The following ADGRL3 variants were observed in gnomAD, a reference collection of about 807,000 sequenced individuals.
ADGRL3 encodes the protein calcium-independent alpha-latrotoxin receptor 3.
A neutral mutation model predicts 153.5 loss-of-function variants in ADGRL3; 62 were observed. That is an observed-to-expected ratio of 0.40 (90% confidence interval 0.33 to 0.50). ADGRL3 has a LOEUF of 0.50. Ranked by LOEUF, ADGRL3 falls within the 20% of genes least tolerant of loss-of-function variation. The pLI is 0.47. For missense variants in ADGRL3, 1,641 were observed against 1,859.4 expected, an observed-to-expected ratio of 0.88 and a Z score of 2.16; for synonymous variants, 710 against 672.5, an observed-to-expected ratio of 1.06 and a Z score of -0.86.
intron 9 of ADGRL3, among the ~76,000 whole-genome samples, chr4:61,858,347 G>A (rs1217985701): frequency 6.6e-6 from 1 of 152,126 alleles, no homozygotes; most frequent in Non-Finnish European, 1.5e-5. Flanking sequence ...TATTGGCCAG[G>A]CATGGTGGCT....
In ADGRL3 at chr4:61,594,346, A is replaced by C. The variant is rs180895207; in HGVS notation, c.473+6906A>C. 4.1e-3 allele frequency among the ~76,000 whole-genome samples: 625 copies of C among 152,142 alleles called. 3 individuals are homozygous for C. The highest frequency in any genetic ancestry group is 5.7e-3 in the Non-Finnish European group (389 of 68,006). On this transcript the variant is annotated intron_variant, in intron 5 of 26. Coordinates refer to ENST00000683033, the MANE Select transcript of ADGRL3 (RefSeq NM_001387552.1). ...ATTTGATGAGGTCCTGTTTTCCTGG[A>C]TGTTGTTGATACTTATAGGTGTTCT...
intron 21 of ADGRL3, among the ~76,000 whole-genome samples, chr4:62,024,947 A>AG (rs1228203338): frequency 6.6e-6 from 1 of 151,738 alleles, no homozygotes; most frequent in African/African-American, 2.4e-5. Flanking sequence ...AAAAAAAAAA[A>AG]AATTCTGAAT....
chr4:61,686,766 T>A (rs571256448), intron 6 of ADGRL3, among the ~76,000 whole-genome samples: 1 of 152,186 alleles, frequency 6.6e-6, no homozygotes, highest in African/African-American at 2.4e-5. Context: ...TAATTGTAAC[T>A]TTTTACTTGT....
intron 2 of ADGRL3, among the ~76,000 whole-genome samples, chr4:61,490,076 C>G (rs1462267028): frequency 1.3e-5 from 2 of 152,106 alleles, no homozygotes; most frequent in African/African-American, 2.4e-5. Context: ...ACTTGCAGTT[C>G]TGCAACACGC....
intron 2 of ADGRL3, among the ~76,000 whole-genome samples, chr4:61,442,126 A>C (rs2152472923): frequency 6.6e-6 from 1 of 152,354 alleles, no homozygotes; most frequent in South Asian, 2.1e-4. Flanking sequence ...GCTATTCATA[A>C]AAAAATCATT....
At chr4:61,804,916 T>C (rs2097536622) in intron 8 of ADGRL3, among the ~76,000 whole-genome samples, 2 of 150,966 alleles carry the variant, frequency 1.3e-5, no homozygotes, top group African/African-American at 4.9e-5. Flanking sequence ...CTTTGTTTCC[T>C]GTGCCTTTAT....
At chr4:61,226,503 C>A (rs1167488521) in intron 1 of ADGRL3, among the ~76,000 whole-genome samples, 3 of 152,070 alleles carry the variant, frequency 2.0e-5, no homozygotes, top group African/African-American at 7.2e-5. Context: ...CTGGTAATAG[C>A]AGAACTCAGA....
chr4:61,563,196 A>G (rs2098802720), intron 4 of ADGRL3, among the ~76,000 whole-genome samples: 1 of 152,184 alleles, frequency 6.6e-6, no homozygotes, highest in Admixed American at 6.5e-5. Context: ...AATGTCCTTG[A>G]ACATCTCCAT....
At chr4:61,957,637 T>C (rs1186635411) in intron 17 of ADGRL3, among the ~76,000 whole-genome samples, 1 of 151,510 alleles carries the variant, frequency 6.6e-6, no homozygotes, top group Non-Finnish European at 1.5e-5. Flanking sequence ...ATTTATATAG[T>C]AGTTTACAAT....
intron 1 of ADGRL3, among the ~76,000 whole-genome samples, chr4:61,238,109 G>A (rs1420757792): frequency 6.6e-6 from 1 of 152,120 alleles, no homozygotes; most frequent in Non-Finnish European, 1.5e-5. Context: ...CTTTTAATTA[G>A]CAGATGCTGA....
intron 17 of ADGRL3, among the ~76,000 whole-genome samples, chr4:61,974,951 C>A (rs1321384891): frequency 6.6e-6 from 1 of 152,080 alleles, no homozygotes; most frequent in Non-Finnish European, 1.5e-5. Context: ...TAGTTTGAAT[C>A]AAAATCCATT....
At chr4:61,346,984 A>C (rs2095928049) in intron 1 of ADGRL3, among the ~76,000 whole-genome samples, 1 of 152,070 alleles carries the variant, frequency 6.6e-6, no homozygotes, top group South Asian at 2.1e-4. Context: ...GGAAGAGAGT[A>C]CTAGAGGGGG....
At chr4:61,537,382 C>G (rs533374480) in intron 4 of ADGRL3, among the ~76,000 whole-genome samples, 1 of 152,066 alleles carries the variant, frequency 6.6e-6, no homozygotes, top group Admixed American at 6.5e-5. Context: ...TGTGTTGTAT[C>G]TTGCAAGTGT....
intron 5 of ADGRL3, among the ~76,000 whole-genome samples, chr4:61,594,010 C>A (rs1168402696): frequency 6.6e-6 from 1 of 151,974 alleles, no homozygotes; most frequent in African/African-American, 2.4e-5. Context: ...TTTGTCTCCT[C>A]TGATTGTGTA....
chr4:61,762,512 A>G (rs2096925201), intron 8 of ADGRL3, among the ~76,000 whole-genome samples: 1 of 152,160 alleles, frequency 6.6e-6, no homozygotes, highest in Non-Finnish European at 1.5e-5. Context: ...AAATGTGAAA[A>G]GTTTTGAACA....
rs1223557060 is a variant in ADGRL3, at chr4:61,696,715, G to A, written c.583+19780G>A. ...TTGTGAGATGGAGTCTCGCTCTCTC[G>A]CCCAGGCTGGAGTGCAGTGGCATGA... is the stretch of plus-strand genomic sequence containing the variant. On this transcript the variant is annotated intron_variant, in intron 6 of 26. Transcript: ENST00000683033. Among the ~76,000 whole-genome samples the A allele has an allele frequency of 2.6e-5, 3 of 114,056 alleles. No individual in the cohort carries two copies. In the Admixed American group the frequency reaches 4.1e-4, roughly 16 times the overall value. 74.8% of individuals were successfully genotyped at this position (114,056 alleles called of 152,430 possible).
At chr4:61,402,074 G>T (rs1250200893) in intron 2 of ADGRL3, among the ~76,000 whole-genome samples, 1 of 151,994 alleles carries the variant, frequency 6.6e-6, no homozygotes, top group Non-Finnish European at 1.5e-5. Context: ...TGAAATTTGA[G>T]GTTCCTATAA....
At chr4:61,650,957 G>T (rs188452788) in intron 5 of ADGRL3, among the ~76,000 whole-genome samples, 1 of 152,010 alleles carries the variant, frequency 6.6e-6, no homozygotes, top group East Asian at 1.9e-4. Flanking sequence ...TGTTTTTGTT[G>T]TTGGACAAAA....
At chr4:61,241,770 T>C (rs968981359) in intron 1 of ADGRL3, among the ~76,000 whole-genome samples, 2 of 152,040 alleles carry the variant, frequency 1.3e-5, no homozygotes, top group African/African-American at 4.8e-5. Context: ...CTTATTATAG[T>C]TTGAATCTTA....
Sources: allele counts gnomAD v4.1 joint callset (sites outside exome capture counted in the v4.1 genomes callset), GRCh38; gene constraint gnomAD v4.1.1; transcripts MANE v1.5; gene names NCBI Gene and HGNC (gene_info 2026-07-23, HGNC 2026-07-21).